The following TARBP1 variants were observed in gnomAD, a reference collection of about 807,000 sequenced individuals.
The protein encoded by TARBP1 is tRNA guanosine 2 -O-methyltransferase TARBP1.
In TARBP1, 144 loss-of-function variants were observed where a neutral mutation model predicts 178.6. The ratio of observed to expected loss-of-function variants is 0.81; its 90% CI spans 0.70 to 0.93. The LOEUF is 0.93. TARBP1 is among the 40% of genes least tolerant of loss of function. The pLI is 0.00. For missense variants in TARBP1, 2,067 were observed against 2,011.7 expected, an observed-to-expected ratio of 1.03 and a Z score of -0.53; for synonymous variants, 787 against 781.0, an observed-to-expected ratio of 1.01 and a Z score of -0.13.
rs1233600168 is a variant in TARBP1 at position 234,451,641 on chromosome 1, TG to T, written c.1723-1076del. On this transcript the variant is annotated intron_variant, in intron 9 of 29. Transcript: ENST00000040877. ...GCGGGCGCCTGTAGTCCCAGCTACT[TG>T]GGAGGCTGAGGCAGGAGAATGGCGT... is the stretch of plus-strand genomic sequence containing the variant. Among the ~76,000 whole-genome samples, 2 of 73,050 alleles carry T rather than the reference TG, an allele frequency of 2.7e-5. 1 individual carries two copies. Among genetic ancestry groups the T allele is most frequent in the Non-Finnish European group, 4.7e-5 (2 of 42,626 alleles). The allele number at this position is 73,050 out of a possible 152,430, so 47.9% of individuals were successfully genotyped here.
At chr1:234,426,698 CTT>C (rs1432160416) in intron 19 of TARBP1, among the ~76,000 whole-genome samples, 1 of 151,956 alleles carries the variant, frequency 6.6e-6, no homozygotes, top group Non-Finnish European at 1.5e-5. Flanking sequence ...AAAAATAAAA[CTT>C]GAAAAAAAGC....
intron 26 of TARBP1, among the ~76,000 whole-genome samples, chr1:234,396,221 T>C (rs1284247716): frequency 6.6e-6 from 1 of 152,166 alleles, no homozygotes; most frequent in Non-Finnish European, 1.5e-5. Flanking sequence ...ATTTCCCTGC[T>C]CCGCTTTACG....
intron 20 of TARBP1, among the ~76,000 whole-genome samples, chr1:234,424,079 T>C (rs1663428786): frequency 6.6e-6 from 1 of 152,194 alleles, no homozygotes; most frequent in African/African-American, 2.4e-5. Flanking sequence ...AAAAAATATT[T>C]CCAAGGTTTT....
At chr1:234,439,436 G>A (rs1246409701) in intron 12 of TARBP1, among the ~76,000 whole-genome samples, 2 of 152,142 alleles carry the variant, frequency 1.3e-5, no homozygotes, top group Admixed American at 1.3e-4. Context: ...TATATGTACT[G>A]CAATCCTAAG....
At chr1:234,417,629 G>C (rs923180317) in intron 22 of TARBP1, among the ~76,000 whole-genome samples, 9 of 152,200 alleles carry the variant, frequency 5.9e-5, no homozygotes, top group African/African-American at 1.9e-4. Context: ...AAGCGATTAG[G>C]GGAGTGTGTG....
chr1:234,447,344 CCAAA>C (rs773757809), intron 11 of TARBP1, among the ~76,000 whole-genome samples: 2 of 53,500 alleles, frequency 3.7e-5, no homozygotes, highest in Non-Finnish European at 6.4e-5. Context: ...TTTTAAAAAT[CCAAA>C]AAAAAAAAAA....
At position 234,392,414 on chromosome 1, in the gene TARBP1, A is replaced by G. The variant is rs1398229511; in HGVS notation, c.4697+2T>C. 3 of 1,613,678 alleles carry G rather than the reference A, an allele frequency of 1.9e-6. No homozygotes were observed. The highest frequency in any genetic ancestry group is 1.7e-6 in the Non-Finnish European group (2 of 1,179,888). On this transcript the variant is annotated splice_donor_variant, in intron 29 of 29. Coordinates refer to ENST00000040877, the MANE Select transcript of TARBP1 (RefSeq NM_005646.4). LOFTEE classifies it high-confidence loss of function. ...ATACTATGGACACAAGAAGCTTCTT[A>G]CCCCAACAAGAGCAGAGATTTCTCA...
chr1:234,440,811 T>C (rs1460003890), intron 12 of TARBP1, among the ~76,000 whole-genome samples: 1 of 152,050 alleles, frequency 6.6e-6, no homozygotes. Context: ...GAAATAGTTA[T>C]AAATCTTACA....
intron 22 of TARBP1, among the ~76,000 whole-genome samples, chr1:234,417,391 AAG>A (rs1662542632): frequency 6.6e-6 from 1 of 152,206 alleles, no homozygotes; most frequent in African/African-American, 2.4e-5. Flanking sequence ...GAAATGGAGA[AAG>A]AGATATTTTG....
At chr1:234,412,869 G>A (rs530820532) in intron 22 of TARBP1, among the ~76,000 whole-genome samples, 64 of 152,196 alleles carry the variant, frequency 4.2e-4, no homozygotes, top group African/African-American at 1.3e-3. Context: ...ACATATGCCC[G>A]ATGCAGGCCC....
Position 234,405,903 on chromosome 1 carries a change from C to A in TARBP1, c.3989G>T (p.Gly1330Val), listed in dbSNP as rs1372497823. 1 of 1,613,298 alleles carries A rather than the reference C, an allele frequency of 6.2e-7. No individual in the cohort carries two copies. Among genetic ancestry groups the A allele is most frequent in the Admixed American group, 1.7e-5 (1 of 60,000 alleles). The stretch of plus-strand genomic sequence containing the variant: ...GATGAGGTTGACGAGGGCTCCTTAC[C>A]CTGCTCCGTGCATGCTTTCCACTTG... ...LHQVESMHGA[G>V]NAKKNWQRIQ... The change falls in exon 24 of 30, where the codon GGG becomes GTG. Residue 1330 changes from glycine (G) to valine (V), a missense_variant and splice_region_variant. Coordinates refer to ENST00000040877, the MANE Select transcript of TARBP1 (RefSeq NM_005646.4).
chr1:234,407,714 C>T (rs1477083378), intron 23 of TARBP1: 2 of 152,176 alleles, frequency 1.3e-5, no homozygotes, highest in African/African-American at 2.4e-5. Context: ...TGTGATCCAA[C>T]ACTGCTTTAT....
At chr1:234,448,733 G>C (rs1666436971) in intron 10 of TARBP1, among the ~76,000 whole-genome samples, 154 bp from the exon 11 acceptor site, 1 of 152,124 alleles carries the variant, frequency 6.6e-6, no homozygotes, top group South Asian at 2.1e-4. Context: ...CTAGAGCATG[G>C]CTCATTATTA....
chr1:234,468,362 A>G (rs2103292005), intron 3 of TARBP1, among the ~76,000 whole-genome samples: 1 of 152,188 alleles, frequency 6.6e-6, no homozygotes, highest in East Asian at 1.9e-4. Context: ...GGAGGGACTG[A>G]GACACGAGAA....
chr1:234,391,963 A>G, intron 29 of TARBP1, among the ~76,000 whole-genome samples: 1 of 152,282 alleles, frequency 6.6e-6, no homozygotes. Context: ...TCAGCTGGCC[A>G]TGCCAGAGAG....
chr1:234,424,561 G>T (rs1384733805), intron 20 of TARBP1, among the ~76,000 whole-genome samples: 2 of 152,140 alleles, frequency 1.3e-5, no homozygotes, highest in Non-Finnish European at 1.5e-5. Flanking sequence ...CCTAACATTT[G>T]ATGCCATTTT....
chr1:234,465,355 C>T (rs1458364167), intron 5 of TARBP1, among the ~76,000 whole-genome samples: 1 of 152,080 alleles, frequency 6.6e-6, no homozygotes, highest in Non-Finnish European at 1.5e-5. Context: ...ATTACAACTT[C>T]CAAGAGAGCA....
intron 13 of TARBP1, among the ~76,000 whole-genome samples, chr1:234,435,731 A>T (rs968382877): frequency 2.0e-5 from 3 of 152,208 alleles, no homozygotes; most frequent in African/African-American, 7.2e-5. Context: ...GGAAATTGAG[A>T]GCATTCCAGC....
intron 1 of TARBP1, among the ~76,000 whole-genome samples, chr1:234,477,619 T>C (rs1022136551): frequency 2.0e-5 from 3 of 152,242 alleles, no homozygotes; most frequent in Non-Finnish European, 4.4e-5. Flanking sequence ...ATCTGATTCA[T>C]TCTATTAAAT....
Sources: allele counts gnomAD v4.1 joint callset (sites outside exome capture counted in the v4.1 genomes callset), GRCh38; gene constraint gnomAD v4.1.1; transcripts MANE v1.5; gene names NCBI Gene and HGNC (gene_info 2026-07-23, HGNC 2026-07-21).